The following ING1 variants were observed in gnomAD, a reference collection of about 807,000 sequenced individuals.
ING1 encodes inhibitor of growth family member 1, also known as inhibitor of growth protein 1.
A neutral mutation model predicts 23.1 loss-of-function variants in ING1; 4 were observed. The ratio of observed to expected loss-of-function variants is 0.17; its 90% CI spans 0.09 to 0.40. The LOEUF (loss-of-function observed/expected upper bound fraction) is 0.40. ING1 is among the 10% of genes least tolerant of loss of function. The pLI is 1.00. For missense variants in ING1, 256 were observed against 393.8 expected (o/e 0.65, Z 2.96); for synonymous variants, 179 against 166.4 (o/e 1.08, Z -0.58).
intron 1 of ING1, chr13:110,715,524 A>C (rs2064107417): frequency 3.7e-6 from 6 of 1,614,156 alleles, no homozygotes; most frequent in Non-Finnish European, 5.1e-6. Context: ...CTAGCGCAAT[A>C]ACTGGTATGG....
At position 110,721,474 on chromosome 13, in the gene ING1, C is replaced by A. The variant is rs906512675; in HGVS notation, c.*1542C>A. On this transcript the variant is annotated 3_prime_UTR_variant, in exon 2 of 2. Transcript: ENST00000333219. The stretch of plus-strand genomic sequence containing the variant: ...CGCGGTTTCTCCATGTTGGTCATGG[C>A]TGGTCTCGCACTCCCGACCTCAGGT... 1.3e-5 allele frequency: 2 copies of A among 152,112 alleles called. No homozygotes were observed. The highest frequency in any genetic ancestry group is 4.8e-5 in the African/African-American group (2 of 41,356). 9.4% of individuals were successfully genotyped at this position (152,112 alleles called of 1,614,324 possible). A position where few individuals can be genotyped will look rare whatever the true frequency, so the allele number is the denominator to read the frequency against.
At chr13:110,714,469 A>T (rs1033121692) in intron 1 of ING1, among the ~76,000 whole-genome samples, 184 bp downstream of exon 1, 1 of 152,084 alleles carries the variant, frequency 6.6e-6, no homozygotes, top group Non-Finnish European at 1.5e-5. Context: ...CCTTGTGTGC[A>T]AAGCCCGGGA....
chr13:110,715,155 G>C, intron 1 of ING1: 1 of 1,171,440 alleles, frequency 8.5e-7, no homozygotes, highest in Non-Finnish European at 1.1e-6. Flanking sequence ...ATTGTTGGCT[G>C]TTGGGGAAAC....
At chr13:110,715,503 T>C in intron 1 of ING1, 1 of 1,613,796 alleles carries the variant, frequency 6.2e-7, no homozygotes, top group Non-Finnish European at 8.5e-7. Flanking sequence ...CTGAGGCGGA[T>C]GAAGGCGGGC....
rs1594450796 is a variant in ING1 at position 110,714,228 on chromosome 13, C to T, written c.79C>T (p.Pro27Ser). ...CTACCTGGACTCCATCGAGTCCCTG[C>T]CTTTCGACTTGCAGAGAAATGTCTC... The part of the protein sequence containing the change: ...EDYLDSIESL[P>S]FDLQRNVSLM... The change falls in exon 1 of 2, where the codon CCT becomes TCT. Residue 27 changes from proline (P) to serine (S), a missense_variant. Pro to Ser is a moderately conservative substitution (Grantham distance 74). This residue lies in a region of ING1 where 209 missense variants were observed against 273.8 expected (regional missense o/e 0.76). Transcript: ENST00000333219. 1 of 1,578,588 alleles carries T rather than the reference C, an allele frequency of 6.3e-7. No individual in the cohort carries two copies. The highest frequency in any genetic ancestry group is 1.4e-5 in the African/African-American group (1 of 71,948).
At position 110,722,804 on chromosome 13, in the gene ING1, C is replaced by T. The variant is rs989062292; in HGVS notation, c.*2872C>T. ...GTTGGACTGGCAGTCTTAAATCACT[C>T]TTGTTATTTCCAGTGGACATTAAAA... On this transcript the variant is annotated 3_prime_UTR_variant, in exon 2 of 2. Coordinates refer to ENST00000333219, the MANE Select transcript of ING1 (RefSeq NM_198219.3). The T allele has an allele frequency of 5.3e-5, 8 of 151,850 alleles. No homozygotes were observed. Among genetic ancestry groups the T allele is most frequent in the African/African-American group, 1.9e-4 (8 of 41,330 alleles). 9.4% of individuals were successfully genotyped at this position (151,850 alleles called of 1,614,324 possible).
Position 110,719,592 on chromosome 13 carries a change from A to G in ING1, c.500A>G (p.Asp167Gly). 1 of 1,611,434 alleles carries G rather than the reference A, an allele frequency of 6.2e-7. No homozygotes were observed. Among genetic ancestry groups the G allele is most frequent in the Non-Finnish European group, 8.5e-7 (1 of 1,179,360 alleles). The change falls in exon 2 of 2, where the codon GAC becomes GGC. Residue 167 changes from aspartate to glycine, a missense_variant. Transcript: ENST00000333219. This position sits in a 1 kb window ranked among gnomAD's most constrained non-coding sequence, Gnocchi z 8.9. ...ENRENASSNHDHDDGASGTPK... is the reference protein window; with the variant it reads ...ENRENASSNHGHDDGASGTPK... ...CGTGAGAACGCGTCCAGCAACCACGACCACGACGACGGCGCCTCGGGCACA... is the reference window on the plus strand; with the variant it reads ...CGTGAGAACGCGTCCAGCAACCACGGCCACGACGACGGCGCCTCGGGCACA...
upstream of ING1, chr13:110,713,492 C>T (rs569027963): frequency 4.1e-6 from 4 of 987,484 alleles, no homozygotes; most frequent in East Asian, 2.3e-4. Context: ...CTGACGCTGT[C>T]CCCTCCGCGA....
upstream of ING1, chr13:110,712,730 G>C (rs1422868716): frequency 8.6e-6 from 6 of 697,532 alleles, no homozygotes; most frequent in South Asian, 6.0e-5. Flanking sequence ...CAAGTGTGGG[G>C]AGCGGCCTCC....
In ING1 at chr13:110,719,222, C is replaced by A; in HGVS notation, c.137-7C>A. On this transcript the variant is annotated splice_region_variant and splice_polypyrimidine_tract_variant and intron_variant, in intron 1 of 1. Coordinates refer to ENST00000333219, the MANE Select transcript of ING1 (RefSeq NM_198219.3). This position sits in a 1 kb window ranked among gnomAD's most constrained non-coding sequence, Gnocchi z 8.9. ...TCGCGAGTGACGCCTGTCCTTCTTG[C>A]CCCCAGAGATCCTGAAGGAGCTAGA... is the stretch of plus-strand genomic sequence containing the variant. 2 of 1,612,730 alleles carry A rather than the reference C, an allele frequency of 1.2e-6. No homozygotes were observed. Among genetic ancestry groups the A allele is most frequent in the South Asian group, 1.1e-5 (1 of 90,988 alleles).
At chr13:110,712,741 G>C (rs187307683), upstream of ING1, 1 of 700,532 alleles carries the variant, frequency 1.4e-6, no homozygotes, top group African/African-American at 1.7e-5. Context: ...AGCGGCCTCC[G>C]AGAACGGTGT....
At chr13:110,715,502 A>T (rs751627484) in intron 1 of ING1, 1 of 1,613,728 alleles carries the variant, frequency 6.2e-7, no homozygotes. Flanking sequence ...GCTGAGGCGG[A>T]TGAAGGCGGG....
At position 110,722,403 on chromosome 13, in the gene ING1, T is replaced by G. The variant is rs2064177753; in HGVS notation, c.*2471T>G. On this transcript the variant is annotated 3_prime_UTR_variant, in exon 2 of 2. Transcript: ENST00000333219. ...AAATTTCATGCTAATTTTTCACTTC[T>G]ATATTAATTGGAGGTAATAATGCAA... 6.6e-6 allele frequency: 1 copy of G among 152,256 alleles called. No homozygotes were observed. Among genetic ancestry groups the G allele is most frequent in the Non-Finnish European group, 1.5e-5 (1 of 68,038 alleles). 9.4% of individuals were successfully genotyped at this position (152,256 alleles called of 1,614,324 possible).
chr13:110,712,670 G>C (rs1447188763), upstream of ING1: 16 of 642,582 alleles, frequency 2.5e-5, no homozygotes, highest in Non-Finnish European at 4.0e-5. Context: ...GAGCTGAATG[G>C]CCTCAGGACG....
upstream of ING1, chr13:110,713,417 G>A (rs955579964): frequency 7.9e-6 from 8 of 1,007,776 alleles, no homozygotes; most frequent in African/African-American, 6.9e-5. Context: ...AACAGGCTCT[G>A]CCTCCAAGTG....
At chr13:110,718,139 C>T (rs974666728) in intron 1 of ING1, among the ~76,000 whole-genome samples, 33 of 152,346 alleles carry the variant, frequency 2.2e-4, no homozygotes, top group Admixed American at 1.7e-3. Flanking sequence ...TTTTTGATAA[C>T]ATTTTAAAGT....
intron 1 of ING1, among the ~76,000 whole-genome samples, chr13:110,714,819 C>T (rs1286618456): frequency 6.6e-6 from 1 of 152,242 alleles, no homozygotes; most frequent in Non-Finnish European, 1.5e-5. Flanking sequence ...GGGTAGTACT[C>T]CGCTCGGGGT....
chr13:110,714,194 T>C lies in ING1; in HGVS notation c.45T>C (p.Tyr15=), dbSNP rs1337948239. ...ANGEQLHLVN[Y]VEDYLDSIES... is the part of the protein sequence containing the mutation. The stretch of plus-strand genomic sequence containing the variant: ...GGGAGCAGCTCCACCTGGTGAACTA[T>C]GTGGAGGACTACCTGGACTCCATCG... The change falls in exon 1 of 2, where the codon TAT becomes TAC. Residue 15 remains tyrosine, a synonymous_variant. Transcript: ENST00000333219. 3.2e-6 allele frequency: 5 copies of C among 1,567,024 alleles called. No homozygotes were observed. Among genetic ancestry groups the C allele is most frequent in the Non-Finnish European group, 4.3e-6 (5 of 1,158,582 alleles).
Position 110,719,037 on chromosome 13 carries a change from G to GTGTTC in ING1, c.137-188_137-187insCTGTT, listed in dbSNP as rs1190548435. Among the ~76,000 whole-genome samples, 2 of 151,966 alleles carry GTGTTC rather than the reference G, an allele frequency of 1.3e-5. 1 individual carries two copies. The highest frequency in any genetic ancestry group is 2.9e-5 in the Non-Finnish European group (2 of 67,984). On this transcript the variant is annotated intron_variant, in intron 1 of 1. Transcript: ENST00000333219. This position sits in a 1 kb window ranked among gnomAD's most constrained non-coding sequence, Gnocchi z 8.9. ...GCCGGCATTTGTGTTGTGTTGTGTTGTGTTGTGTTGTGTTGTGGTTAGCAC... is the reference window on the plus strand; with the variant it reads ...GCCGGCATTTGTGTTGTGTTGTGTTGTGTTCTGTTGTGTTGTGTTGTGGTTAGCAC...
Sources: allele counts gnomAD v4.1 joint callset (sites outside exome capture counted in the v4.1 genomes callset), GRCh38; gene constraint gnomAD v4.1.1; regional missense constraint gnomAD v4.1.1; non-coding constraint Gnocchi (gnomAD v3.1); transcripts MANE v1.5; gene names NCBI Gene and HGNC (gene_info 2026-07-23, HGNC 2026-07-21).